Variants in MGAM observed in about 807,000 individuals in gnomAD.
MGAM encodes the protein alpha-1,4-glucosidase.
MGAM carries 253 observed loss-of-function variants against 358.8 expected under a neutral mutation model. The observed-to-expected ratio is 0.71, with a 90% CI of 0.64 to 0.78. The LOEUF (loss-of-function observed/expected upper bound fraction) is 0.78. MGAM is among the 30% of genes least tolerant of loss of function. MGAM has a pLI of 0.00. For synonymous variants in MGAM, 1,105 were observed against 1,227.1 expected, an observed-to-expected ratio of 0.90 and a Z score of 2.08; for missense variants, 3,080 against 3,432.6, an observed-to-expected ratio of 0.90 and a Z score of 2.57.
chr7:142,068,717 A>T lies in MGAM; in HGVS notation c.5061+14A>T. On this transcript the variant is annotated intron_variant, in intron 43 of 70. Coordinates refer to ENST00000475668, the MANE Select transcript of MGAM (RefSeq NM_001365693.1). ...GATTACTACACGGTAAGTTTTTCTG[A>T]ATGTTTATATAACACGGGAATGTGG... 2 of 1,487,716 alleles carry T rather than the reference A, an allele frequency of 1.3e-6. 1 individual carries two copies. Among genetic ancestry groups the T allele is most frequent in the Non-Finnish European group, 1.9e-6 (2 of 1,073,610 alleles). The allele number at this position is 1,487,716 out of a possible 1,614,324, so 92.2% of individuals were successfully genotyped here.
chr7:142,095,535 G>C (rs750894745), intron 63 of MGAM, 30 bp from the exon 64 acceptor site: 5 of 1,611,690 alleles, frequency 3.1e-6, no homozygotes, highest in Non-Finnish European at 3.4e-6. Context: ...TCCAGGGCAA[G>C]CTCCCAACAC....
chr7:142,036,637 G>A (rs1808018651), intron 17 of MGAM, among the ~76,000 whole-genome samples, 186 bp from the exon 18 acceptor site: 1 of 152,168 alleles, frequency 6.6e-6, no homozygotes, highest in South Asian at 2.1e-4. Context: ...TAAAGAATGA[G>A]GAAGGCAGGT....
At chr7:142,052,550 A>G in intron 25 of MGAM, 104 bp downstream of exon 25, 1 of 1,466,976 alleles carries the variant, frequency 6.8e-7, no homozygotes, top group Non-Finnish European at 9.1e-7. Context: ...AATCCATAGA[A>G]AGAACTTCCT....
At chr7:141,992,044 T>G (rs1300958368), upstream of MGAM, among the ~76,000 whole-genome samples, 2 of 152,272 alleles carry the variant, frequency 1.3e-5, no homozygotes, top group East Asian at 3.9e-4. Context: ...GAATTCTGAT[T>G]TGGGGTCGAA....
In MGAM at chr7:142,090,682, C is replaced by T. The variant is rs191195369; in HGVS notation, c.6811-1231C>T. ...GACCAAGTCCTCATTCTGTTGCCTC[C>T]CCGAACCTCCTCACCAGCATTCTTT... On this transcript the variant is annotated intron_variant, in intron 57 of 70. Transcript: ENST00000475668. Among the ~76,000 whole-genome samples the T allele has an allele frequency of 2.7e-5, 4 of 145,844 alleles. 1 individual carries two copies. Among genetic ancestry groups the T allele is most frequent in the Non-Finnish European group, 6.2e-5 (4 of 64,492 alleles).
chr7:142,021,800 G>C, intron 6 of MGAM, 63 bp downstream of exon 6: 1 of 1,524,244 alleles, frequency 6.6e-7, no homozygotes, highest in Non-Finnish European at 9.1e-7. Context: ...CTGTAAGCAT[G>C]AAGAAGGGGG....
rs537243262 is a variant in MGAM at position 142,051,079 on chromosome 7, C to T, written c.2805+215C>T. Among the ~76,000 whole-genome samples the T allele has an allele frequency of 6.0e-5, 9 of 150,622 alleles. No homozygotes were observed. The South Asian group carries it at 1.0e-3, about 17-fold the overall frequency. ...TCCCTTCTCTGCCTATCAGTGTTCC[C>T]GTCTTTCTAGCTGGTTTCACTTGCT... On this transcript the variant is annotated intron_variant, in intron 24 of 70. Transcript: ENST00000475668.
At position 142,092,434 on chromosome 7, in the gene MGAM, A is replaced by G. The variant is rs1815480652; in HGVS notation, c.6946-87A>G. 2.0e-5 allele frequency: 26 copies of G among 1,282,072 alleles called. 3 individuals carry two copies. The highest frequency in any genetic ancestry group is 2.7e-5 in the Non-Finnish European group (25 of 911,520). 79.4% of individuals were successfully genotyped at this position (1,282,072 alleles called of 1,614,324 possible). A position where few individuals can be genotyped will look rare whatever the true frequency, so the allele number is the denominator to read the frequency against. ...ATCTATAGGGATTACTGGATGTTGA[A>G]CAATGTATTCACTGCTTCCTTGGCT... On this transcript the variant is annotated intron_variant, in intron 58 of 70. Coordinates refer to ENST00000475668, the MANE Select transcript of MGAM (RefSeq NM_001365693.1).
chr7:142,096,855 A>G (rs1341174763), intron 65 of MGAM, among the ~76,000 whole-genome samples: 1 of 152,074 alleles, frequency 6.6e-6, no homozygotes, highest in Non-Finnish European at 1.5e-5. Context: ...TCCCAGCAGT[A>G]AAAGCCATTT....
At chr7:142,021,499 G>A (rs1390615539) in intron 5 of MGAM, 87 bp from the exon 6 acceptor site, 4 of 1,334,114 alleles carry the variant, frequency 3.0e-6, no homozygotes, top group Non-Finnish European at 4.1e-6. Flanking sequence ...TTTGATCAGT[G>A]CCTGATTCCA....
Position 142,086,654 on chromosome 7 carries a change from G to C in MGAM, c.6748-1G>C. 1 of 1,111,548 alleles carries C rather than the reference G, an allele frequency of 9.0e-7. No homozygotes were observed. The highest frequency in any genetic ancestry group is 1.2e-6 in the Non-Finnish European group (1 of 803,618). 68.9% of individuals were successfully genotyped at this position (1,111,548 alleles called of 1,614,324 possible). On this transcript the variant is annotated splice_acceptor_variant, in intron 56 of 70. Transcript: ENST00000475668. LOFTEE classifies it high-confidence loss of function. ...GCTACTGAACATGTTTCTCTCCATA[G>C]GTCTGGCCTGATTTTCCTGATGTTG...
intron 42 of MGAM, among the ~76,000 whole-genome samples, chr7:142,067,757 T>G (rs947124694): frequency 2.9e-5 from 4 of 136,286 alleles, no homozygotes; most frequent in African/African-American, 1.0e-4. Flanking sequence ...TTTATAACAG[T>G]CCTCTAGCAC....
intron 66 of MGAM, 28 bp from the exon 67 acceptor site, chr7:142,099,585 G>C: frequency 6.2e-7 from 1 of 1,613,734 alleles, no homozygotes; most frequent in Non-Finnish European, 8.5e-7. Context: ...CCTCTCCTTA[G>C]TCATCTCTTA....
intron 22 of MGAM, among the ~76,000 whole-genome samples, chr7:142,049,296 T>C (rs971247935): frequency 6.6e-6 from 1 of 152,206 alleles, no homozygotes; most frequent in Non-Finnish European, 1.5e-5. Context: ...TCTTTGCTAC[T>C]GTGCAGAAGT....
intron 20 of MGAM, 25 bp from the exon 21 acceptor site, chr7:142,040,697 T>A: frequency 6.2e-7 from 1 of 1,611,118 alleles, no homozygotes; most frequent in Non-Finnish European, 8.5e-7. Flanking sequence ...CATGCCAATG[T>A]GTTTGATTTA....
At chr7:142,018,420 CT>C (rs1554456986) in intron 3 of MGAM, among the ~76,000 whole-genome samples, 1 of 152,198 alleles carries the variant, frequency 6.6e-6, no homozygotes, top group East Asian at 1.9e-4. Flanking sequence ...AAACTTCAAT[CT>C]TTCTGTGATC....
chr7:142,066,192 G>A (rs1211095144), intron 40 of MGAM, among the ~76,000 whole-genome samples: 1 of 145,502 alleles, frequency 6.9e-6, no homozygotes, highest in African/African-American at 2.4e-5. Flanking sequence ...GAACTCCTGG[G>A]CTCAAGCGAT....
chr7:142,021,134 C>T (rs777581361), intron 5 of MGAM, 51 bp downstream of exon 5: 2 of 1,337,228 alleles, frequency 1.5e-6, no homozygotes, highest in South Asian at 2.6e-5. Flanking sequence ...CTTTTATTCC[C>T]TATCGGATGA....
In MGAM at chr7:142,086,845, T is replaced by C; in HGVS notation, c.6810+128T>C. On this transcript the variant is annotated intron_variant, in intron 57 of 70. Transcript: ENST00000475668. The stretch of plus-strand genomic sequence containing the variant: ...GGGAGAAACACTTAGGGCATGTGTG[T>C]TGGATGTCAGTCTGTGTGCCCATTA... The C allele has an allele frequency of 6.8e-6, 3 of 438,706 alleles. 1 individual carries two copies. In the East Asian group the frequency reaches 1.1e-4, roughly 16 times the overall value. 27.2% of individuals were successfully genotyped at this position (438,706 alleles called of 1,614,324 possible). A position where few individuals can be genotyped will look rare whatever the true frequency, so the allele number is the denominator to read the frequency against.
Sources: allele counts gnomAD v4.1 joint callset (sites outside exome capture counted in the v4.1 genomes callset), GRCh38; gene constraint gnomAD v4.1.1; transcripts MANE v1.5; gene names NCBI Gene and HGNC (gene_info 2026-07-23, HGNC 2026-07-21).